Variants in IFT122 observed in about 807,000 individuals in gnomAD.
The protein encoded by IFT122 is intraflagellar transport protein 122 homolog.
A neutral mutation model predicts 161.6 loss-of-function variants in IFT122; 118 were observed. The ratio of observed to expected loss-of-function variants is 0.73; its 90% CI spans 0.63 to 0.85. The LOEUF is 0.85. IFT122 is among the 40% of genes least tolerant of loss of function. The pLI is 0.00. For missense variants in IFT122, 1,381 were observed against 1,579.6 expected (o/e 0.87, Z 2.13); for synonymous variants, 550 against 602.4 (o/e 0.91, Z 1.27).
At chr3:129,449,958 C>A (rs1363431215) in intron 2 of IFT122, 21 bp downstream of exon 2, 14 of 1,548,708 alleles carry the variant, frequency 9.0e-6, no homozygotes, top group Non-Finnish European at 1.2e-5. Context: ...GTCTTAGTTT[C>A]CTCTTAAAGT....
intron 18 of IFT122, among the ~76,000 whole-genome samples, chr3:129,498,057 T>G (rs2081096124): frequency 6.6e-6 from 1 of 152,200 alleles, no homozygotes; most frequent in Admixed American, 6.5e-5. Flanking sequence ...ACAGCCTCTT[T>G]CTGTCCACTT....
intron 12 of IFT122, 67 bp downstream of exon 12, chr3:129,478,285 G>T: frequency 7.3e-7 from 1 of 1,366,296 alleles, no homozygotes. Flanking sequence ...GTGATAGGGT[G>T]CCCACCTCAT....
At chr3:129,471,635 G>C (rs1266786280) in intron 9 of IFT122, among the ~76,000 whole-genome samples, 2 of 152,204 alleles carry the variant, frequency 1.3e-5, no homozygotes, top group Admixed American at 1.3e-4. Context: ...CAAAGTTTCT[G>C]CACGATGAGC....
chr3:129,490,208 T>C (rs1385244428), intron 16 of IFT122, among the ~76,000 whole-genome samples: 1 of 152,152 alleles, frequency 6.6e-6, no homozygotes, highest in African/African-American at 2.4e-5. Context: ...ATATATCTAT[T>C]GTGTACAACA....
At chr3:129,458,868 C>A (rs1394684676) in intron 4 of IFT122, among the ~76,000 whole-genome samples, 191 bp downstream of exon 4, 1 of 152,226 alleles carries the variant, frequency 6.6e-6, no homozygotes, top group Non-Finnish European at 1.5e-5. Flanking sequence ...TGGCCACTTA[C>A]TGGCGTGGCC....
At chr3:129,465,513 C>T (rs1194001703) in intron 7 of IFT122, among the ~76,000 whole-genome samples, 1 of 146,784 alleles carries the variant, frequency 6.8e-6, no homozygotes, top group Non-Finnish European at 1.5e-5. Context: ...CTCGGTTGCC[C>T]AGCCTGGAGT....
rs1178920562 is a variant in IFT122, at chr3:129,459,747, TCC to T, written c.272+1071_272+1072del. Among the ~76,000 whole-genome samples the T allele has an allele frequency of 5.4e-5, 4 of 73,546 alleles. No homozygotes were observed. In the African/African-American group the frequency reaches 5.6e-4, roughly 10 times the overall value. The allele number at this position is 73,546 out of a possible 152,430, so 48.2% of individuals were successfully genotyped here. ...TTCCTTCCCTCCCTCCCTCCCTTCT[TCC>T]TTCCTTCCTTCCTTCCTTCCTTCCT... is the stretch of plus-strand genomic sequence containing the variant. On this transcript the variant is annotated intron_variant, in intron 4 of 29. Coordinates refer to ENST00000348417, the MANE Select transcript of IFT122 (RefSeq NM_052989.3).
chr3:129,466,625 C>T, intron 7 of IFT122, among the ~76,000 whole-genome samples: 1 of 151,580 alleles, frequency 6.6e-6, no homozygotes, highest in Non-Finnish European at 1.5e-5. Context: ...CCTCAGCCTC[C>T]CAAGTAGCTT....
At chr3:129,474,068 G>A (rs935743059) in intron 9 of IFT122, among the ~76,000 whole-genome samples, 4 of 152,132 alleles carry the variant, frequency 2.6e-5, no homozygotes, top group Admixed American at 1.3e-4. Flanking sequence ...GAAAGTTTTC[G>A]TTGCTAGGCA....
chr3:129,499,848 C>T (rs1443788137), intron 18 of IFT122, 54 bp from the exon 19 acceptor site: 17 of 1,606,200 alleles, frequency 1.1e-5, no homozygotes, highest in Middle Eastern at 1.9e-4. Flanking sequence ...CCTGATGTAA[C>T]GCTGGCACAG....
intron 3 of IFT122, among the ~76,000 whole-genome samples, chr3:129,453,921 A>C (rs1017971578): frequency 1.3e-5 from 2 of 152,188 alleles, no homozygotes; most frequent in Non-Finnish European, 2.9e-5. Flanking sequence ...TGTGAGTCTG[A>C]GCTGGTTATT....
chr3:129,454,213 T>C (rs1346365414), intron 3 of IFT122, among the ~76,000 whole-genome samples: 1 of 152,124 alleles, frequency 6.6e-6, no homozygotes, highest in Non-Finnish European at 1.5e-5. Flanking sequence ...ACTTTAGTCC[T>C]GCATAAAGAC....
At position 129,520,210 on chromosome 3, in the gene IFT122, T is replaced by C; in HGVS notation, c.3671T>C (p.Leu1224Pro). The C allele has an allele frequency of 6.2e-7, 1 of 1,612,432 alleles. No individual in the cohort carries two copies. Among genetic ancestry groups the C allele is most frequent in the Non-Finnish European group, 8.5e-7 (1 of 1,179,992 alleles). Residue 1224 changes from leucine to proline, a missense_variant, in exon 30 of 30, where the codon CTT (leucine) becomes CCT (proline). This residue lies in a region of IFT122 where 177 missense variants were observed against 199.2 expected (regional missense o/e 0.89). Transcript: ENST00000348417. ...TCTGAGGACTATGAGTTGCTGGTGC[T>C]TCAGCATGGCTGCTGCCCCTACTGC... ...FHSEDYELLV[L>P]QHGCCPYCRR... is the part of the protein sequence containing the mutation.
chr3:129,479,722 T>C, intron 12 of IFT122, 63 bp from the exon 13 acceptor site: 1 of 1,601,236 alleles, frequency 6.2e-7, no homozygotes, highest in South Asian at 1.1e-5. Flanking sequence ...AAAGATCTCC[T>C]TGGGGAGGTC....
At chr3:129,512,263 C>G in intron 23 of IFT122, 49 bp from the exon 24 acceptor site, 1 of 1,340,352 alleles carries the variant, frequency 7.5e-7, no homozygotes, top group Non-Finnish European at 1.1e-6. Context: ...CCTGGCCCAG[C>G]AGCAGCTCTT....
At chr3:129,507,555 T>C in intron 22 of IFT122, 113 bp from the exon 23 acceptor site, 1 of 840,164 alleles carries the variant, frequency 1.2e-6, no homozygotes, top group South Asian at 1.3e-5. Context: ...CACTGTGTGG[T>C]GGGAGAACTG....
intron 9 of IFT122, among the ~76,000 whole-genome samples, chr3:129,471,638 C>A (rs533885295): frequency 6.6e-6 from 1 of 152,180 alleles, no homozygotes; most frequent in Admixed American, 6.5e-5. Flanking sequence ...AGTTTCTGCA[C>A]GATGAGCAAC....
chr3:129,456,225 AC>A (rs1310093745), intron 3 of IFT122: 18 of 1,286,088 alleles, frequency 1.4e-5, no homozygotes, highest in Non-Finnish European at 1.8e-5. Context: ...CATCACCATC[AC>A]CTGCTACCTA....
At chr3:129,442,097 G>T (rs1405785694) in intron 1 of IFT122, among the ~76,000 whole-genome samples, 1 of 149,016 alleles carries the variant, frequency 6.7e-6, no homozygotes, top group Non-Finnish European at 1.5e-5. Context: ...CATCCACTCT[G>T]AAAAAAAAAC....
Sources: gnomAD v4.1 joint callset for allele counts (sites outside exome capture counted in the v4.1 genomes callset) on GRCh38, gnomAD v4.1.1 for gene constraint, gnomAD v4.1.1 regional missense constraint, MANE v1.5 for transcripts, NCBI Gene and HGNC (gene_info 2026-07-23, HGNC 2026-07-21) for gene names.